The following STK10 variants were observed in gnomAD, a reference collection of about 807,000 sequenced individuals.
STK10 encodes the protein serine/threonine kinase 10.
A neutral mutation model predicts 113.8 loss-of-function variants in STK10; 78 were observed. The observed-to-expected ratio is 0.69, with a 90% CI of 0.57 to 0.83. The LOEUF (loss-of-function observed/expected upper bound fraction) is 0.83. Ranked by LOEUF, STK10 falls within the 40% of genes least tolerant of loss-of-function variation. STK10 has a pLI of 0.00. For missense variants in STK10, 1,109 were observed against 1,280.1 expected (o/e 0.87, Z 2.04); for synonymous variants, 465 against 494.7 (o/e 0.94, Z 0.80).
intron 16 of STK10, 151 bp downstream of exon 16, chr5:172,055,437 G>A (rs1330772249): frequency 9.0e-6 from 7 of 778,064 alleles, no homozygotes; most frequent in East Asian, 6.7e-5. Flanking sequence ...TGACCCGCCC[G>A]CCTCGGCCTC....
chr5:172,186,600 C>T (rs1366221374), intron 1 of STK10, among the ~76,000 whole-genome samples: 1 of 150,138 alleles, frequency 6.7e-6, no homozygotes. Context: ...CCAGACTGAG[C>T]AACAGAGGGA....
chr5:172,174,506 C>T (rs1770719226), intron 1 of STK10, among the ~76,000 whole-genome samples: 1 of 152,122 alleles, frequency 6.6e-6, no homozygotes, highest in South Asian at 2.1e-4. Context: ...AACATCTACC[C>T]TCCGCGGGCC....
intron 2 of STK10, among the ~76,000 whole-genome samples, chr5:172,131,236 G>A (rs561027471): frequency 2.6e-5 from 4 of 152,054 alleles, no homozygotes; most frequent in South Asian, 2.1e-4. Context: ...GGGTTTCACC[G>A]TGTTAGCCAG....
chr5:172,115,027 AGGCT>A (rs1230888625), intron 4 of STK10: 1 of 152,174 alleles, frequency 6.6e-6, no homozygotes, highest in Non-Finnish European at 1.5e-5. Context: ...CGATTCTCAC[AGGCT>A]GGGCAGGGTA....
At chr5:172,141,624 G>A (rs2070578349) in intron 2 of STK10, among the ~76,000 whole-genome samples, 5 of 151,900 alleles carry the variant, frequency 3.3e-5, no homozygotes, top group Admixed American at 1.3e-4. Context: ...AAATAAGGTG[G>A]TCCTGCATGG....
At chr5:172,097,268 G>C (rs1768877575) in intron 7 of STK10, among the ~76,000 whole-genome samples, 2 of 152,142 alleles carry the variant, frequency 1.3e-5, no homozygotes, top group African/African-American at 4.8e-5. Flanking sequence ...TCAAACTCCT[G>C]ACCTTAAGTG....
rs149956474 is a variant in STK10 at position 172,146,547 on chromosome 5, G to A, written c.321+10077C>T. On this transcript the variant is annotated intron_variant, in intron 2 of 18. Transcript: ENST00000176763. ...AATCATCTGCTCCTATCTCATACAGGAAGGAGCATGAATCCAGAGTGGTCA... is the reference window on the plus strand; with the variant it reads ...AATCATCTGCTCCTATCTCATACAGAAAGGAGCATGAATCCAGAGTGGTCA... 1.1e-3 allele frequency among the ~76,000 whole-genome samples: 174 copies of A among 152,278 alleles called. 1 individual carries two copies. The highest frequency in any genetic ancestry group is 3.8e-3 in the African/African-American group (158 of 41,560).
chr5:172,148,807 A>C (rs1770143333), intron 2 of STK10, among the ~76,000 whole-genome samples: 1 of 152,200 alleles, frequency 6.6e-6, no homozygotes, highest in Admixed American at 6.5e-5. Flanking sequence ...CCTGGGCTGG[A>C]GCCTGGCTCT....
At chr5:172,103,037 G>C (rs1444274273) in intron 7 of STK10, among the ~76,000 whole-genome samples, 1 of 152,192 alleles carries the variant, frequency 6.6e-6, no homozygotes, top group African/African-American at 2.4e-5. Flanking sequence ...AAACCAATGG[G>C]GGCGTGAATC....
At chr5:172,118,606 G>A (rs1273314724) in intron 3 of STK10, among the ~76,000 whole-genome samples, 2 of 152,064 alleles carry the variant, frequency 1.3e-5, no homozygotes, top group South Asian at 2.1e-4. Flanking sequence ...GGGGCCAGAC[G>A]CAGTGGCTCA....
intron 18 of STK10, among the ~76,000 whole-genome samples, chr5:172,049,720 T>C (rs1158628739): frequency 2.6e-5 from 4 of 152,228 alleles, no homozygotes; most frequent in Non-Finnish European, 5.9e-5. Context: ...TGGGTAAAAC[T>C]TCTGGAGCTT....
In STK10 at chr5:172,188,021, G is replaced by C. The variant is rs1200870168; in HGVS notation, c.22C>G (p.Arg8Gly). ...TCGAAGGTAGACAGGCGCAGGATGC[G>C]GCGGAAATTGGCAAAAGCCATGGCC... The part of the protein sequence containing the change: MAFANFR[R>G]ILRLSTFEKR... The change falls in exon 1 of 19, where the codon CGC (arginine) becomes GGC (glycine). Residue 8 changes from arginine (R) to glycine (G), a missense_variant. Arg to Gly is a moderately radical substitution (Grantham distance 125). This residue lies in a region of STK10 where 57 missense variants were observed against 53.6 expected (regional missense o/e 1.06). Transcript: ENST00000176763. This position sits in a 1 kb window ranked among gnomAD's most constrained non-coding sequence, Gnocchi z 5.6. 2 of 1,612,916 alleles carry C rather than the reference G, an allele frequency of 1.2e-6. No individual in the cohort carries two copies. The highest frequency in any genetic ancestry group is 1.7e-6 in the Non-Finnish European group (2 of 1,179,654).
intron 15 of STK10, chr5:172,057,102 A>T: frequency 2.0e-6 from 1 of 490,224 alleles, no homozygotes; most frequent in Non-Finnish European, 3.6e-6. Flanking sequence ...AGCAAGTAAC[A>T]GTCAGTGAGG....
At chr5:172,149,117 A>G (rs1054511997) in intron 2 of STK10, among the ~76,000 whole-genome samples, 4 of 152,182 alleles carry the variant, frequency 2.6e-5, no homozygotes, top group Admixed American at 6.5e-5. Context: ...CAGTGAGTTG[A>G]GATCATGCCA....
chr5:172,133,066 A>G lies in STK10; in HGVS notation c.322-5645T>C, dbSNP rs1769788734. 6.6e-6 allele frequency among the ~76,000 whole-genome samples: 1 copy of G among 152,208 alleles called. No homozygotes were observed. Among genetic ancestry groups the G allele is most frequent in the South Asian group, 2.1e-4 (1 of 4,832 alleles). ...CAGAAGCAGAGGTGGGGCAGCAGGG[A>G]AAAGCGTGGAAGCGGGTAATGGCGG... On this transcript the variant is annotated intron_variant, in intron 2 of 18. Coordinates refer to ENST00000176763, the MANE Select transcript of STK10 (RefSeq NM_005990.4). This position sits in a 1 kb window ranked among gnomAD's most constrained non-coding sequence, Gnocchi z 4.9.
intron 4 of STK10, among the ~76,000 whole-genome samples, chr5:172,116,668 GAC>G (rs1769391856): frequency 6.6e-6 from 1 of 151,606 alleles, no homozygotes; most frequent in African/African-American, 2.4e-5. Context: ...AGGAACTCGA[GAC>G]CAGCCTGGCC....
At chr5:172,151,346 C>CT (rs1214755611) in intron 2 of STK10, among the ~76,000 whole-genome samples, 141 of 145,362 alleles carry the variant, frequency 9.7e-4, no homozygotes, top group African/African-American at 2.5e-3. Context: ...TTTTCTTTTT[C>CT]TTTTTTTTTT....
chr5:172,067,434 T>TA (rs1768094108), intron 12 of STK10, among the ~76,000 whole-genome samples: 1 of 151,050 alleles, frequency 6.6e-6, no homozygotes. Context: ...AAGGAAACAA[T>TA]AAAAAATTAC....
chr5:172,099,212 C>T (rs1268111995), intron 7 of STK10, among the ~76,000 whole-genome samples: 1 of 152,068 alleles, frequency 6.6e-6, no homozygotes, highest in Non-Finnish European at 1.5e-5. Flanking sequence ...ACCACCATCA[C>T]CCCCGTCAGC....
Sources: allele counts gnomAD v4.1 joint callset (sites outside exome capture counted in the v4.1 genomes callset), GRCh38; gene constraint gnomAD v4.1.1; regional missense constraint gnomAD v4.1.1; non-coding constraint Gnocchi (gnomAD v3.1); transcripts MANE v1.5; gene names NCBI Gene and HGNC (gene_info 2026-07-23, HGNC 2026-07-21).